R3HDML: variants seen among roughly 807,000 people sequenced by gnomAD.
The protein encoded by R3HDML is R3H domain containing like.
In R3HDML, 21 loss-of-function variants were observed where a neutral mutation model predicts 24.2. The ratio of observed to expected loss-of-function variants is 0.87; its 90% confidence interval spans 0.62 to 1.25. R3HDML has a LOEUF of 1.25. Among genes scored for constraint, R3HDML ranks in the 50% most tolerant of loss-of-function variants. R3HDML has a pLI of 0.00. For synonymous variants in R3HDML, 133 were observed against 131.5 expected (o/e 1.01, Z -0.08); for missense variants, 301 against 340.3 (o/e 0.88, Z 0.91).
Position 44,350,787 on chromosome 20 carries a change from T to C in R3HDML, c.757T>C (p.Phe253Leu), listed in dbSNP as rs754769281. The C allele has an allele frequency of 6.2e-7, 1 of 1,613,712 alleles. No homozygotes were observed. Among genetic ancestry groups the C allele is most frequent in the Non-Finnish European group, 8.5e-7 (1 of 1,179,822 alleles). Residue 253 changes from phenylalanine to leucine, a missense_variant, in exon 5 of 5, where the codon TTC becomes CTC. Physicochemically the swap from Phe to Leu is conservative, Grantham distance 22. Transcript: ENST00000217043. Reference sequence around the variant, plus strand: ...GCTGAAATCCAACAAGTTCACGTGGTTCTGAATTTTCTCTGGGCTTTGGTG... The same window carrying C: ...GCTGAAATCCAACAAGTTCACGTGGCTCTGAATTTTCTCTGGGCTTTGGTG... Reference protein sequence around the residue: ...KGLKSNKFTWF With the variant: ...KGLKSNKFTWL
At position 44,337,769 on chromosome 20, in the gene R3HDML, G is replaced by T. The variant is rs2062761750; in HGVS notation, c.261+351G>T. On this transcript the variant is annotated intron_variant, in intron 1 of 4. Coordinates refer to ENST00000217043, the MANE Select transcript of R3HDML (RefSeq NM_178491.4). The surrounding 1 kb of genome is among the most constrained non-coding windows in gnomAD (Gnocchi z 4.7). ...TTGCCCAGCCAGGATTTCAATCCAGGTCTGCCTGCTGCCACCTGGCACCAT... is the reference window on the plus strand; with the variant it reads ...TTGCCCAGCCAGGATTTCAATCCAGTTCTGCCTGCTGCCACCTGGCACCAT... Among the ~76,000 whole-genome samples, 1 of 150,732 alleles carries T rather than the reference G, an allele frequency of 6.6e-6. No homozygotes were observed. The highest frequency in any genetic ancestry group is 6.7e-5 in the Admixed American group (1 of 15,032).
chr20:44,343,653 T>G, intron 3 of R3HDML, 144 bp downstream of exon 3: 1 of 869,056 alleles, frequency 1.2e-6, no homozygotes. Context: ...CCTGGAAAGT[T>G]GTGTGCACAA....
At chr20:44,347,643 C>G (rs890547320) in intron 4 of R3HDML, 2 of 152,008 alleles carry the variant, frequency 1.3e-5, no homozygotes, top group African/African-American at 4.8e-5. Context: ...GGGGGGAACC[C>G]TAGGAGGACA....
At chr20:44,342,299 G>A (rs545813225) in intron 2 of R3HDML, among the ~76,000 whole-genome samples, 1 of 152,116 alleles carries the variant, frequency 6.6e-6, no homozygotes, top group East Asian at 1.9e-4. Context: ...CCCTTCAAGT[G>A]AGCTCAGTGG....
At chr20:44,347,154 C>CAAA (rs2062789513) in intron 4 of R3HDML, among the ~76,000 whole-genome samples, 1 of 151,922 alleles carries the variant, frequency 6.6e-6, no homozygotes, top group Non-Finnish European at 1.5e-5. Flanking sequence ...ACAACAACAA[C>CAAA]AACAAAAACA....
At chr20:44,344,925 G>T (rs1407257772) in intron 3 of R3HDML, 1 of 262,256 alleles carries the variant, frequency 3.8e-6, no homozygotes, top group African/African-American at 2.3e-5. Flanking sequence ...GCACTTGACT[G>T]AGTGCAGTAT....
intron 3 of R3HDML, 25 bp from the exon 4 acceptor site, chr20:44,345,238 C>A: frequency 6.3e-7 from 1 of 1,593,216 alleles, no homozygotes; most frequent in Non-Finnish European, 8.6e-7. Flanking sequence ...TTCTCATAGC[C>A]CCCTCTGTCT....
chr20:44,348,257 G>T (rs1175768397), intron 4 of R3HDML, among the ~76,000 whole-genome samples: 1 of 152,118 alleles, frequency 6.6e-6, no homozygotes, highest in East Asian at 1.9e-4. Flanking sequence ...AATTGAGTGA[G>T]ATAACACAGG....
At chr20:44,347,235 G>A (rs200424039) in intron 4 of R3HDML, among the ~76,000 whole-genome samples, 2 of 145,692 alleles carry the variant, frequency 1.4e-5, no homozygotes, top group Non-Finnish European at 3.0e-5. Flanking sequence ...TTTTTTTGGG[G>A]GGGGACGAGG....
chr20:44,350,561 TC>T, intron 4 of R3HDML, 98 bp from the exon 5 acceptor site: 1 of 1,131,072 alleles, frequency 8.8e-7, no homozygotes. Context: ...TTGCCCCAGG[TC>T]CCCAGGGCTG....
Position 44,343,431 on chromosome 20 carries a change from C to T in R3HDML, c.435C>T (p.Tyr145=), listed in dbSNP as rs139629911. 4.2e-4 allele frequency: 671 copies of T among 1,613,332 alleles called. 1 individual carries two copies. Among genetic ancestry groups the T allele is most frequent in the Non-Finnish European group, 5.5e-4 (647 of 1,179,624 alleles). Residue 145 remains tyrosine (Y), a synonymous_variant, in exon 3 of 5, where the codon TAC becomes TAT. Coordinates refer to ENST00000217043, the MANE Select transcript of R3HDML (RefSeq NM_178491.4). ...CCTGGTCTGAGGAGAAGTGGCATTA[C>T]TTGTTTCCGGCCCCAAGGGACTGTA... is the stretch of plus-strand genomic sequence containing the variant. ...MKSWSEEKWH[Y]LFPAPRDCNP...
chr20:44,340,980 A>T (rs2062770607), intron 1 of R3HDML, among the ~76,000 whole-genome samples: 1 of 152,180 alleles, frequency 6.6e-6, no homozygotes, highest in Admixed American at 6.5e-5. Flanking sequence ...CAGAGTCAAG[A>T]GATCTGGGTG....
chr20:44,338,684 G>A (rs1387723300), intron 1 of R3HDML, among the ~76,000 whole-genome samples: 1 of 152,134 alleles, frequency 6.6e-6, no homozygotes, highest in Non-Finnish European at 1.5e-5. Flanking sequence ...CTCCAGGGAG[G>A]GCCTGAACAT....
Position 44,343,451 on chromosome 20 carries a change from A to T in R3HDML, c.455A>T (p.Asp152Val), listed in dbSNP as rs2062777529. ...KWHYLFPAPR[D>V]CNPHCPWRCD... ...CATTACTTGTTTCCGGCCCCAAGGG[A>T]CTGTAACCCACACTGCCCCTGGCGC... Residue 152 changes from aspartate to valine, a missense_variant, in exon 3 of 5, where the codon GAC (aspartate) becomes GTC (valine). By Grantham distance (152) the Asp-to-Val change is radical. Transcript: ENST00000217043. 6.2e-7 allele frequency: 1 copy of T among 1,612,982 alleles called. No individual in the cohort carries two copies. Among genetic ancestry groups the T allele is most frequent in the African/African-American group, 1.3e-5 (1 of 74,878 alleles).
Position 44,337,257 on chromosome 20 carries a change from G to T in R3HDML, c.100G>T (p.Ala34Ser). Reference sequence around the variant, plus strand: ...AATGCCTAATGCTACCCCAGCCCCGGCCCAGCCCGAGAGCACGGCTATGCG... The same window carrying T: ...AATGCCTAATGCTACCCCAGCCCCGTCCCAGCCCGAGAGCACGGCTATGCG... The part of the protein sequence containing the change: ...LIMPNATPAP[A>S]QPESTAMRLL... Residue 34 changes from alanine (A) to serine (S), a missense_variant, in exon 1 of 5, where the codon GCC becomes TCC. Transcript: ENST00000217043. This position sits in a 1 kb window ranked among gnomAD's most constrained non-coding sequence, Gnocchi z 4.7. 8.1e-6 allele frequency: 13 copies of T among 1,614,126 alleles called. No individual in the cohort carries two copies. The highest frequency in any genetic ancestry group is 1.1e-5 in the Non-Finnish European group (13 of 1,180,036).
At chr20:44,344,090 G>A (rs1407135337) in intron 3 of R3HDML, among the ~76,000 whole-genome samples, 2 of 152,132 alleles carry the variant, frequency 1.3e-5, no homozygotes, top group East Asian at 1.9e-4. Context: ...GACCATCCTG[G>A]CTAACACGGT....
At chr20:44,338,631 G>A (rs959875096) in intron 1 of R3HDML, among the ~76,000 whole-genome samples, 3 of 152,194 alleles carry the variant, frequency 2.0e-5, no homozygotes, top group African/African-American at 7.2e-5. Context: ...TTTAATGATT[G>A]CAGGCGGCAT....
chr20:44,347,232 G>C (rs117810635), intron 4 of R3HDML, among the ~76,000 whole-genome samples: 1 of 97,470 alleles, frequency 1.0e-5, no homozygotes, highest in South Asian at 3.5e-4. Context: ...TTTTTTTTTT[G>C]GGGGGGGACG....
chr20:44,344,216 T>G (rs8115481), intron 3 of R3HDML, among the ~76,000 whole-genome samples: 61,156 of 150,820 alleles, frequency 0.41, 13,132 homozygotes, highest in Admixed American at 0.51. Context: ...AGGAGGCAGA[T>G]GTTGCAGTGA....
Sources: gnomAD v4.1 joint callset for allele counts (sites outside exome capture counted in the v4.1 genomes callset) on GRCh38, gnomAD v4.1.1 for gene constraint, Gnocchi (gnomAD v3.1) non-coding constraint, MANE v1.5 for transcripts, NCBI Gene and HGNC (gene_info 2026-07-23, HGNC 2026-07-21) for gene names.